The following HEATR5A variants were observed in gnomAD, a reference collection of about 807,000 sequenced individuals.
The protein encoded by HEATR5A is HEAT repeat containing 5A.
In HEATR5A, 178 loss-of-function variants were observed where a neutral mutation model predicts 218.8. That is an observed-to-expected ratio of 0.81 (90% CI 0.72 to 0.92). HEATR5A has a LOEUF of 0.92. Ranked by LOEUF, HEATR5A falls within the 40% of genes least tolerant of loss-of-function variation. The pLI, the probability that HEATR5A is intolerant of heterozygous loss-of-function variation, is 0.00. For synonymous variants in HEATR5A, 864 were observed against 871.6 expected (o/e 0.99, Z 0.15); for missense variants, 2,420 against 2,418.9 (o/e 1.00, Z -0.01).
chr14:31,315,562 A>G (rs1418082611), intron 27 of HEATR5A, among the ~76,000 whole-genome samples: 2 of 152,214 alleles, frequency 1.3e-5, no homozygotes, highest in Non-Finnish European at 2.9e-5. Context: ...AGCACTGCTT[A>G]AAGTAGGAGA....
At chr14:31,308,832 G>A (rs1899640143) in intron 29 of HEATR5A, 102 bp downstream of exon 29, 1 of 873,182 alleles carries the variant, frequency 1.1e-6, no homozygotes, top group Non-Finnish European at 1.7e-6. Context: ...TTGAAATCGT[G>A]CCACTGTACT....
rs771143375 is a variant in HEATR5A at position 31,326,167 on chromosome 14, T to A, written c.3543A>T (p.Ser1181=). The change falls in exon 23 of 36, where the codon TCA becomes TCT. Residue 1181 remains serine, a synonymous_variant. Transcript: ENST00000543095. ...CTGATAATGTCCAATACTTACCAGC[T>A]GATGCAGCAAGTACATCTTTACAAA... ...LKLCKDVLAA[S]ADFTAVTCVD... 6.2e-7 allele frequency: 1 copy of A among 1,611,452 alleles called. No homozygotes were observed. Among genetic ancestry groups the A allele is most frequent in the East Asian group, 2.2e-5 (1 of 44,812 alleles).
chr14:31,403,540 T>C (rs2030952004), intron 1 of HEATR5A, among the ~76,000 whole-genome samples: 1 of 152,202 alleles, frequency 6.6e-6, no homozygotes, highest in Admixed American at 6.5e-5. Context: ...CTTAAGCCCA[T>C]TAGCATCAGT....
intron 21 of HEATR5A, among the ~76,000 whole-genome samples, chr14:31,341,664 G>T (rs528629711): frequency 6.6e-6 from 1 of 152,030 alleles, no homozygotes. Context: ...CTCCCAAAGC[G>T]CTGGAACTAC....
At chr14:31,400,111 G>T (rs1008955087) in intron 3 of HEATR5A, among the ~76,000 whole-genome samples, 190 bp downstream of exon 3, 3 of 152,136 alleles carry the variant, frequency 2.0e-5, no homozygotes, top group Non-Finnish European at 1.5e-5. Flanking sequence ...TACGTCTAAA[G>T]TATTTGTAGA....
At position 31,308,985 on chromosome 14, in the gene HEATR5A, T is replaced by C. The variant is rs1899648162; in HGVS notation, c.4639A>G (p.Thr1547Ala). 6.2e-7 allele frequency: 1 copy of C among 1,613,696 alleles called. No homozygotes were observed. The highest frequency in any genetic ancestry group is 1.3e-5 in the African/African-American group (1 of 75,016). ...SMCQGSSSGA[T>A]IKSPEDVYTD... ...TAGACATCCTCAGGGGACTTTATGG[T>C]AGCCCCAGATGATGAACCCTGACAC... The change falls in exon 29 of 36, where the codon ACC becomes GCC. Residue 1547 changes from threonine to alanine, a missense_variant. Transcript: ENST00000543095.
rs368980035 is a variant in HEATR5A, at chr14:31,374,790, G to T, written c.1861+26C>A. 4 of 1,587,536 alleles carry T rather than the reference G, an allele frequency of 2.5e-6. No individual in the cohort carries two copies. The African/African-American group carries it at 5.4e-5, about 21-fold the overall frequency. ...GGTGGGTAAAAAGCCAAAGGAAAGGGAGAGAAAAGACTAAATCCAACCTAC... is the reference window on the plus strand; with the variant it reads ...GGTGGGTAAAAAGCCAAAGGAAAGGTAGAGAAAAGACTAAATCCAACCTAC... On this transcript the variant is annotated intron_variant, in intron 12 of 35. Transcript: ENST00000543095.
In HEATR5A at chr14:31,350,015, G is replaced by A. The variant is rs1012459251; in HGVS notation, c.2518-36C>T. On this transcript the variant is annotated intron_variant, in intron 17 of 35. Coordinates refer to ENST00000543095, the MANE Select transcript of HEATR5A (RefSeq NM_015473.4). ...TAAAGAACAACCCAAACTTACAATT[G>A]TAGTAAATTCTCATATCCAGTTAGG... is the stretch of plus-strand genomic sequence containing the variant. The A allele has an allele frequency of 3.6e-6, 5 of 1,387,640 alleles. No homozygotes were observed. The African/African-American group carries it at 7.3e-5, about 20-fold the overall frequency. 86.0% of individuals were successfully genotyped at this position (1,387,640 alleles called of 1,614,324 possible). A position where few individuals can be genotyped will look rare whatever the true frequency, so the allele number is the denominator to read the frequency against.
At chr14:31,349,713 C>T (rs1236786478) in intron 18 of HEATR5A, 76 bp downstream of exon 18, 2 of 884,804 alleles carry the variant, frequency 2.3e-6, no homozygotes, top group South Asian at 1.6e-5. Context: ...GAAGATCTTA[C>T]TAGTTCCAAC....
At chr14:31,344,598 T>TTTTTTTTTTTTTGAG (rs1900963425) in intron 20 of HEATR5A, among the ~76,000 whole-genome samples, 2 of 151,874 alleles carry the variant, frequency 1.3e-5, no homozygotes, top group African/African-American at 4.9e-5. Context: ...TAGTTATTCT[T>TTTTTTTTTTTTTGAG]AATCTGAAAA....
chr14:31,375,073 T>C (rs1344969276), intron 11 of HEATR5A, 105 bp from the exon 12 acceptor site: 2 of 925,796 alleles, frequency 2.2e-6, no homozygotes, highest in Admixed American at 3.0e-5. Flanking sequence ...TAATTCATTA[T>C]TGCAACATTT....
intron 1 of HEATR5A, among the ~76,000 whole-genome samples, chr14:31,412,339 G>A (rs931328055): frequency 2.6e-5 from 4 of 151,350 alleles, no homozygotes; most frequent in Admixed American, 1.3e-4. Context: ...GCGGTGGCCT[G>A]TAATCCCAGC....
intron 11 of HEATR5A, among the ~76,000 whole-genome samples, chr14:31,378,392 G>A (rs1207769440): frequency 1.3e-5 from 2 of 152,194 alleles, no homozygotes; most frequent in African/African-American, 2.4e-5. Context: ...TATAAAAACT[G>A]TTCTTAGCTC....
intron 31 of HEATR5A, among the ~76,000 whole-genome samples, chr14:31,306,444 A>G (rs1047649346): frequency 1.3e-5 from 2 of 152,222 alleles, no homozygotes; most frequent in South Asian, 2.1e-4. Flanking sequence ...GATCGTGCCA[A>G]TGCACTCCAG....
At chr14:31,381,977 G>A (rs149747834) in intron 10 of HEATR5A, among the ~76,000 whole-genome samples, 1,541 of 152,278 alleles carry the variant, frequency 0.01, 12 homozygotes, top group Middle Eastern at 0.024. Context: ...GAAGGCTAGT[G>A]TATTTTAAAC....
In HEATR5A at chr14:31,402,988, T is replaced by A. The variant is rs2030933680; in HGVS notation, c.-13A>T. 6.5e-7 allele frequency: 1 copy of A among 1,533,922 alleles called. No homozygotes were observed. The highest frequency in any genetic ancestry group is 2.0e-5 in the Admixed American group (1 of 50,888). ...GAGCTAATTCCATTCCTTGCAGCAA[T>A]CCTCCCAGCTGATCACAGTTCTTCT... On this transcript the variant is annotated 5_prime_UTR_variant, in exon 2 of 36. Transcript: ENST00000543095.
intron 3 of HEATR5A, among the ~76,000 whole-genome samples, chr14:31,399,726 AGGCTAAGACAGG>A (rs1230870944): frequency 6.6e-6 from 1 of 152,164 alleles, no homozygotes; most frequent in African/African-American, 2.4e-5. Context: ...GCTACTTGGG[AGGCTAAGACAGG>A]GGAATCGCTC....
At chr14:31,314,644 T>C (rs534684675) in intron 27 of HEATR5A, among the ~76,000 whole-genome samples, 42 of 152,220 alleles carry the variant, frequency 2.8e-4, no homozygotes, top group African/African-American at 9.6e-4. Context: ...CAAGTAATCC[T>C]CTTGCCTTGG....
Position 31,395,266 on chromosome 14 carries a change from T to A in HEATR5A, c.530A>T (p.Asp177Val), listed in dbSNP as rs1450984480. 2 of 1,532,594 alleles carry A rather than the reference T, an allele frequency of 1.3e-6. No individual in the cohort carries two copies. Among genetic ancestry groups the A allele is most frequent in the Non-Finnish European group, 1.7e-6 (2 of 1,143,846 alleles). 94.9% of individuals were successfully genotyped at this position (1,532,594 alleles called of 1,614,324 possible). Reference protein sequence around the residue: ...LGAAAAPCHRDVYKAARSCLT... With the variant: ...LGAAAAPCHRVVYKAARSCLT... ...GCAGGATCTAGCAGCTTTATAAACATCCCTGTGACAAGGTGCAGCGGCAGC... is the reference window on the plus strand; with the variant it reads ...GCAGGATCTAGCAGCTTTATAAACAACCCTGTGACAAGGTGCAGCGGCAGC... The change falls in exon 5 of 36, where the codon GAT becomes GTT. Residue 177 changes from aspartate (D) to valine (V), a missense_variant. Asp to Val is a radical substitution (Grantham distance 152). Coordinates refer to ENST00000543095, the MANE Select transcript of HEATR5A (RefSeq NM_015473.4).
Sources: gnomAD v4.1 joint callset for allele counts (sites outside exome capture counted in the v4.1 genomes callset) on GRCh38, gnomAD v4.1.1 for gene constraint, MANE v1.5 for transcripts, NCBI Gene and HGNC (gene_info 2026-07-23, HGNC 2026-07-21) for gene names.